Variants in MTNR1A observed in about 807,000 individuals in gnomAD.
MTNR1A encodes melatonin receptor 1A, also known as melatonin receptor type 1A.
MTNR1A carries 7 observed loss-of-function variants against 5.5 expected under a neutral mutation model. That is an observed-to-expected ratio of 1.28 (90% CI 0.73 to 2.40). The LOEUF (loss-of-function observed/expected upper bound fraction) is 2.40. Among genes scored for constraint, MTNR1A ranks in the 30% most tolerant of loss-of-function variants. The probability of loss-of-function intolerance (pLI) is 0.00; values close to 1 mark genes in which losing one functional copy is unlikely to be tolerated. For synonymous variants in MTNR1A, 196 were observed against 202.7 expected, an observed-to-expected ratio of 0.97 and a Z score of 0.28; for missense variants, 441 against 464.4, an observed-to-expected ratio of 0.95 and a Z score of 0.46.
rs965049766 is a variant in MTNR1A at position 186,549,135 on chromosome 4, T to C, written c.184+6047A>G. On this transcript the variant is annotated intron_variant, in intron 1 of 1. Coordinates refer to ENST00000307161, the MANE Select transcript of MTNR1A (RefSeq NM_005958.4). Reference sequence around the variant, plus strand: ...AAATCGTGTCCTAAGCTCCTATAGATGGATATAGGAGGCATCCAGCAAGCA... The same window carrying C: ...AAATCGTGTCCTAAGCTCCTATAGACGGATATAGGAGGCATCCAGCAAGCA... Among the ~76,000 whole-genome samples the C allele has an allele frequency of 3.9e-5, 6 of 152,010 alleles. No homozygotes were observed. In the East Asian group the frequency reaches 1.2e-3, roughly 29 times the overall value.
intron 1 of MTNR1A, among the ~76,000 whole-genome samples, chr4:186,546,345 C>T (rs1397850806): frequency 6.6e-6 from 1 of 151,924 alleles, no homozygotes; most frequent in Non-Finnish European, 1.5e-5. Context: ...CCCCTCCTGC[C>T]GTCGGCCTCA....
intron 1 of MTNR1A, among the ~76,000 whole-genome samples, chr4:186,546,974 C>T (rs1416174025): frequency 1.2e-4 from 11 of 92,992 alleles, no homozygotes; most frequent in Non-Finnish European, 2.0e-4. Flanking sequence ...CCACACCACA[C>T]CCTGTTCCTG....
At chr4:186,536,416 G>A (rs1736852728) in intron 1 of MTNR1A, among the ~76,000 whole-genome samples, 1 of 152,104 alleles carries the variant, frequency 6.6e-6, no homozygotes, top group South Asian at 2.1e-4. Context: ...AGCACGCACA[G>A]ACCAGAAGCT....
At chr4:186,541,357 A>G (rs913192694) in intron 1 of MTNR1A, among the ~76,000 whole-genome samples, 2 of 152,142 alleles carry the variant, frequency 1.3e-5, no homozygotes, top group South Asian at 2.1e-4. Context: ...TGCACTGATT[A>G]ATGGGCAGTG....
In MTNR1A at chr4:186,555,391, GGGCCATCGCCCGCCTCGT is replaced by G; in HGVS notation, c.-44_-27del. 7.2e-7 allele frequency: 1 copy of G among 1,390,310 alleles called. No homozygotes were observed. Among genetic ancestry groups the G allele is most frequent in the East Asian group, 3.1e-5 (1 of 31,962 alleles). 86.1% of individuals were successfully genotyped at this position (1,390,310 alleles called of 1,614,324 possible). A position where few individuals can be genotyped will look rare whatever the true frequency, so the allele number is the denominator to read the frequency against. On this transcript the variant is annotated 5_prime_UTR_variant, in exon 1 of 2. An upstream start codon of the reference 5' UTR is lost. Transcript: ENST00000307161. The surrounding 1 kb of genome is among the most constrained non-coding windows in gnomAD (Gnocchi z 4.1). Reference sequence around the variant, plus strand: ...GGTCCCTGTGCGCGTCCCGGCCGCGGGGCCATCGCCCGCCTCGTCCGCCCGCCCGACCACTTGTTAAGG... The same window carrying G: ...GGTCCCTGTGCGCGTCCCGGCCGCGGCCGCCCGCCCGACCACTTGTTAAGG...
intron 1 of MTNR1A, among the ~76,000 whole-genome samples, chr4:186,549,601 ATT>A (rs1320632841): frequency 3.3e-5 from 5 of 152,198 alleles, no homozygotes; most frequent in African/African-American, 1.2e-4. Context: ...CAACTTTCGC[ATT>A]TCTCTTGAAA....
At chr4:186,550,427 G>C (rs1170083985) in intron 1 of MTNR1A, among the ~76,000 whole-genome samples, 1 of 152,164 alleles carries the variant, frequency 6.6e-6, no homozygotes, top group Non-Finnish European at 1.5e-5. Context: ...AAAGCTTAAG[G>C]CACCTTGTAA....
rs551732602 is a variant in MTNR1A, at chr4:186,547,350, C to T, written c.184+7832G>A. On this transcript the variant is annotated intron_variant, in intron 1 of 1. Coordinates refer to ENST00000307161, the MANE Select transcript of MTNR1A (RefSeq NM_005958.4). ...TTCGTGGGACACACCGTCCTCCTCA[C>T]ACCCTGTTCGTGGGACACACTGTCC... Among the ~76,000 whole-genome samples the T allele has an allele frequency of 2.0e-5, 3 of 151,562 alleles. No homozygotes were observed. In the South Asian group the frequency reaches 6.3e-4, roughly 32 times the overall value.
intron 1 of MTNR1A, among the ~76,000 whole-genome samples, chr4:186,541,842 G>T (rs772606446): frequency 1.3e-5 from 2 of 152,174 alleles, no homozygotes; most frequent in Non-Finnish European, 2.9e-5. Flanking sequence ...TGCCAAAAAG[G>T]TTAGGGACCA....
At chr4:186,540,529 T>C (rs1193965651) in intron 1 of MTNR1A, among the ~76,000 whole-genome samples, 4 of 152,218 alleles carry the variant, frequency 2.6e-5, no homozygotes, top group African/African-American at 9.6e-5. Context: ...GCAGATACCG[T>C]TTTTTACTTC....
rs377195141 is a variant in MTNR1A at position 186,554,051 on chromosome 4, C to T, written c.184+1131G>A. ...CCCAGTGCTCACAACCTGTTTGGTC[C>T]AGAGAAAGTCGTTTTTATTGCTAGG... On this transcript the variant is annotated intron_variant, in intron 1 of 1. Coordinates refer to ENST00000307161, the MANE Select transcript of MTNR1A (RefSeq NM_005958.4). 5.3e-5 allele frequency among the ~76,000 whole-genome samples: 8 copies of T among 152,276 alleles called. No homozygotes were observed. In the East Asian group the frequency reaches 9.7e-4, roughly 18 times the overall value.
chr4:186,533,700 C>T lies in MTNR1A; in HGVS notation c.1042G>A (p.Asp348Asn), dbSNP rs375982164. ...AACGTGGTGCTTTTTTAAACGGAGTCCACCTTTACTACATTATTGTTGGTC... is the reference window on the plus strand; with the variant it reads ...AACGTGGTGCTTTTTTAAACGGAGTTCACCTTTACTACATTATTGTTGGTC... ...LMTNNNVVKV[D>N]SV Residue 348 changes from aspartate (D) to asparagine (N), a missense_variant, in exon 2 of 2, where the codon GAC becomes AAC. Physicochemically the swap from Asp to Asn is conservative, Grantham distance 23 (BLOSUM62 1). Coordinates refer to ENST00000307161, the MANE Select transcript of MTNR1A (RefSeq NM_005958.4). The T allele has an allele frequency of 6.4e-4, 1,035 of 1,614,140 alleles. 8 individuals carry two copies. In the South Asian group the frequency reaches 0.011, roughly 17 times the overall value.
intron 1 of MTNR1A, among the ~76,000 whole-genome samples, chr4:186,546,720 C>T (rs1254340032): frequency 2.0e-5 from 3 of 146,636 alleles, no homozygotes; most frequent in African/African-American, 5.4e-5. Context: ...ACCATCCACA[C>T]CACACCCTGT....
chr4:186,544,745 A>G (rs1162501340), intron 1 of MTNR1A, among the ~76,000 whole-genome samples: 1 of 152,152 alleles, frequency 6.6e-6, no homozygotes, highest in Non-Finnish European at 1.5e-5. Context: ...AGCAGGGCCC[A>G]TTACCACAGC....
At chr4:186,541,806 T>A (rs1029377000) in intron 1 of MTNR1A, among the ~76,000 whole-genome samples, 2 of 152,006 alleles carry the variant, frequency 1.3e-5, no homozygotes, top group African/African-American at 4.8e-5. Flanking sequence ...TGTGGAAAAA[T>A]TGTCTTCCAT....
At chr4:186,552,861 A>AT (rs1384867755) in intron 1 of MTNR1A, among the ~76,000 whole-genome samples, 20 of 152,348 alleles carry the variant, frequency 1.3e-4, no homozygotes, top group African/African-American at 4.8e-4. Context: ...CTATTATCAA[A>AT]TTGTGGACAA....
At chr4:186,534,624 TAAAG>T in intron 1 of MTNR1A, 67 bp from the exon 2 acceptor site, 1 of 1,567,594 alleles carries the variant, frequency 6.4e-7, no homozygotes, top group Non-Finnish European at 8.7e-7. Context: ...TTACAATTGT[TAAAG>T]AAGGAGCTGC....
chr4:186,544,922 G>C (rs1737109400), intron 1 of MTNR1A, among the ~76,000 whole-genome samples: 1 of 152,172 alleles, frequency 6.6e-6, no homozygotes, highest in African/African-American at 2.4e-5. Flanking sequence ...CAGAGCCACT[G>C]AATGGGGTAC....
Position 186,539,672 on chromosome 4 carries a change from T to A in MTNR1A, c.185-5115A>T, listed in dbSNP as rs564416656. ...CAGAAGACACAGCAAGAAGGCACCATCCTGGAAGCAGACAGCAGCCCTCAC... is the reference window on the plus strand; with the variant it reads ...CAGAAGACACAGCAAGAAGGCACCAACCTGGAAGCAGACAGCAGCCCTCAC... On this transcript the variant is annotated intron_variant, in intron 1 of 1. Coordinates refer to ENST00000307161, the MANE Select transcript of MTNR1A (RefSeq NM_005958.4). 2.6e-5 allele frequency among the ~76,000 whole-genome samples: 4 copies of A among 152,320 alleles called. No individual in the cohort carries two copies. In the South Asian group the frequency reaches 6.2e-4, roughly 24 times the overall value.
Sources: gnomAD v4.1 joint callset for allele counts (sites outside exome capture counted in the v4.1 genomes callset) on GRCh38, gnomAD v4.1.1 for gene constraint, Gnocchi (gnomAD v3.1) non-coding constraint, MANE v1.5 for transcripts, NCBI Gene and HGNC (gene_info 2026-07-23, HGNC 2026-07-21) for gene names.